CSMD1: variants seen among roughly 807,000 people sequenced by gnomAD.
CSMD1 encodes CUB and sushi domain-containing protein 1.
In CSMD1, 213 loss-of-function variants were observed where a neutral mutation model predicts 417.5. That is an observed-to-expected ratio of 0.51 (90% confidence interval 0.46 to 0.57). The LOEUF (loss-of-function observed/expected upper bound fraction) is 0.57, where lower values mean the gene tolerates loss of function less well. Ranked by LOEUF, CSMD1 falls within the 20% of genes least tolerant of loss-of-function variation. The pLI, the probability that CSMD1 is intolerant of heterozygous loss-of-function variation, is 0.00. For synonymous variants in CSMD1, 2,862 were observed against 1,736.8 expected, an observed-to-expected ratio of 1.65 and a Z score of -16.11; for missense variants, 6,923 against 4,529.7, an observed-to-expected ratio of 1.53 and a Z score of -15.17.
chr8:4,898,283 T>C (rs975034973), intron 1 of CSMD1, among the ~76,000 whole-genome samples: 2 of 152,082 alleles, frequency 1.3e-5, no homozygotes, highest in Non-Finnish European at 2.9e-5. Flanking sequence ...AAATAAAATG[T>C]TCATTTTGTA....
chr8:3,138,318 G>A (rs1161711618), intron 41 of CSMD1, among the ~76,000 whole-genome samples: 1 of 152,214 alleles, frequency 6.6e-6, no homozygotes, highest in Admixed American at 6.5e-5. Flanking sequence ...CTCTACTCCT[G>A]TAGATACTCA....
intron 7 of CSMD1, among the ~76,000 whole-genome samples, chr8:3,628,177 C>G (rs946671788): frequency 7.2e-5 from 11 of 152,196 alleles, no homozygotes; most frequent in East Asian, 3.9e-4. Flanking sequence ...TACTGAATCT[C>G]TACCATTGTA....
chr8:3,751,141 G>T (rs547275404), intron 6 of CSMD1, among the ~76,000 whole-genome samples: 1 of 152,106 alleles, frequency 6.6e-6, no homozygotes, highest in African/African-American at 2.4e-5. Context: ...TCCTTGTACC[G>T]TGTTGTCTTG....
intron 10 of CSMD1, among the ~76,000 whole-genome samples, chr8:3,535,194 T>C (rs1798144388): frequency 6.6e-6 from 1 of 151,978 alleles, no homozygotes; most frequent in South Asian, 2.1e-4. Flanking sequence ...CCTGAAATGA[T>C]CCTTCTGTTT....
intron 26 of CSMD1, among the ~76,000 whole-genome samples, chr8:3,273,235 T>C (rs1350725425): frequency 2.0e-5 from 3 of 151,252 alleles, no homozygotes; most frequent in Non-Finnish European, 2.9e-5. Flanking sequence ...GGATTACATT[T>C]ATAGATTTGC....
At position 3,583,772 on chromosome 8, in the gene CSMD1, G is replaced by A. The variant is rs117152692; in HGVS notation, c.1222+2364C>T. Among the ~76,000 whole-genome samples, 54 of 152,132 alleles carry A rather than the reference G, an allele frequency of 3.5e-4. No homozygotes were observed. The East Asian group carries it at 5.4e-3, about 15-fold the overall frequency. ...CAGGAAAGGCAGAGCGTGTGGCTGC[G>A]CAGCCATGCCCTGAAACCTCAGAGT... is the stretch of plus-strand genomic sequence containing the variant. On this transcript the variant is annotated intron_variant, in intron 9 of 69. Transcript: ENST00000635120.
chr8:4,777,193 G>A (rs766505146), intron 1 of CSMD1, among the ~76,000 whole-genome samples: 11 of 152,192 alleles, frequency 7.2e-5, no homozygotes, highest in Non-Finnish European at 1.5e-4. Context: ...CCTTGTGGTT[G>A]TTATTTTACC....
intron 23 of CSMD1, among the ~76,000 whole-genome samples, chr8:3,315,076 A>G (rs940199744): frequency 6.6e-6 from 1 of 152,212 alleles, no homozygotes; most frequent in South Asian, 2.1e-4. Flanking sequence ...AAAACATACT[A>G]TCTATCTGTT....
chr8:4,388,187 A>G (rs1381580862), intron 3 of CSMD1, among the ~76,000 whole-genome samples: 2 of 152,152 alleles, frequency 1.3e-5, no homozygotes, highest in Non-Finnish European at 2.9e-5. Context: ...CCAGAGGAAA[A>G]GAAGTCATTA....
intron 3 of CSMD1, among the ~76,000 whole-genome samples, chr8:4,117,935 C>A (rs1404822445): frequency 7.8e-5 from 8 of 102,220 alleles, no homozygotes; most frequent in Non-Finnish European, 1.3e-4. Flanking sequence ...CTGGAAAAGT[C>A]AGGGCAAGTC....
At chr8:3,004,790 G>A (rs1054422124) in intron 52 of CSMD1, among the ~76,000 whole-genome samples, 11 of 152,250 alleles carry the variant, frequency 7.2e-5, no homozygotes, top group Admixed American at 1.3e-4. Context: ...AGAATGAAAT[G>A]GTCTGCTCCA....
chr8:4,637,108 T>C (rs1204373081), intron 2 of CSMD1, among the ~76,000 whole-genome samples: 1 of 152,172 alleles, frequency 6.6e-6, no homozygotes, highest in Non-Finnish European at 1.5e-5. Flanking sequence ...GGAAACTTTA[T>C]TCGCTCTTAG....
intron 4 of CSMD1, among the ~76,000 whole-genome samples, chr8:4,027,079 T>C (rs917906880): frequency 6.6e-6 from 1 of 152,154 alleles, no homozygotes; most frequent in East Asian, 1.9e-4. Flanking sequence ...CCAGCCAGGA[T>C]AGGTCGGCCA....
intron 6 of CSMD1, among the ~76,000 whole-genome samples, chr8:3,747,918 C>T (rs1056118046): frequency 6.6e-6 from 1 of 152,092 alleles, no homozygotes; most frequent in Non-Finnish European, 1.5e-5. Context: ...CCTCCCACTT[C>T]CCAGCCCTAG....
Position 4,733,864 on chromosome 8 carries a change from C to G in CSMD1, c.86-96306G>C, listed in dbSNP as rs73661103. On this transcript the variant is annotated intron_variant, in intron 1 of 69. Transcript: ENST00000635120. Reference sequence around the variant, plus strand: ...ACCATTACAAGAAGTCAATTTATTTCTATTTCTGAAATTGACCTGGGTAGC... The same window carrying G: ...ACCATTACAAGAAGTCAATTTATTTGTATTTCTGAAATTGACCTGGGTAGC... Among the ~76,000 whole-genome samples, 1,324 of 152,208 alleles carry G rather than the reference C, an allele frequency of 8.7e-3. 31 individuals carry two copies. The highest frequency in any genetic ancestry group is 0.086 in the East Asian group (443 of 5,178).
intron 3 of CSMD1, among the ~76,000 whole-genome samples, chr8:4,341,535 G>A (rs1383720269): frequency 6.6e-6 from 1 of 152,058 alleles, no homozygotes; most frequent in Non-Finnish European, 1.5e-5. Context: ...CAAACCCATG[G>A]AAACATTATT....
intron 3 of CSMD1, among the ~76,000 whole-genome samples, chr8:4,279,598 T>C (rs908059388): frequency 2.6e-5 from 4 of 152,258 alleles, no homozygotes; most frequent in Middle Eastern, 3.4e-3. Flanking sequence ...CCTAAACAAA[T>C]AGACTCAATG....
At chr8:4,238,161 C>T (rs139765620) in intron 3 of CSMD1, among the ~76,000 whole-genome samples, 77 of 152,298 alleles carry the variant, frequency 5.1e-4, no homozygotes, top group African/African-American at 1.8e-3. Context: ...GTCCTGGAAT[C>T]CCAAAGGACA....
intron 2 of CSMD1, among the ~76,000 whole-genome samples, chr8:4,556,856 A>G (rs1030615196): frequency 1.3e-5 from 2 of 152,206 alleles, no homozygotes; most frequent in African/African-American, 4.8e-5. Flanking sequence ...TGTGTAACTA[A>G]TACGTATAAT....
Sources: gnomAD v4.1 joint callset for allele counts (sites outside exome capture counted in the v4.1 genomes callset) on GRCh38, gnomAD v4.1.1 for gene constraint, MANE v1.5 for transcripts, NCBI Gene and HGNC (gene_info 2026-07-23, HGNC 2026-07-21) for gene names.